The following NRXN3 variants were observed in gnomAD, a reference collection of about 807,000 sequenced individuals.
NRXN3 encodes the protein neurexin III.
Under a neutral mutation model 137.6 loss-of-function variants are expected in NRXN3, and 32 were observed. The observed-to-expected ratio is 0.23, with a 90% CI of 0.18 to 0.31. The LOEUF (loss-of-function observed/expected upper bound fraction) is 0.31. NRXN3 is among the 10% of genes least tolerant of loss of function. NRXN3 has a pLI of 1.00. For missense variants in NRXN3, 1,574 were observed against 2,062.5 expected, an observed-to-expected ratio of 0.76 and a Z score of 4.59; for synonymous variants, 798 against 784.5, an observed-to-expected ratio of 1.02 and a Z score of -0.29.
intron 19 of NRXN3, among the ~76,000 whole-genome samples, chr14:79,781,521 T>A (rs528661030): frequency 6.6e-6 from 1 of 152,344 alleles, no homozygotes; most frequent in East Asian, 1.9e-4. Flanking sequence ...CGTATCATGT[T>A]CTATTTTCTT....
intron 15 of NRXN3, among the ~76,000 whole-genome samples, chr14:79,392,969 CAAAAAAAAAA>C (rs3036678): frequency 1.5e-4 from 9 of 60,696 alleles, no homozygotes; most frequent in Admixed American, 8.0e-4. Flanking sequence ...GGCTCCATCT[CAAAAAAAAAA>C]AAAAAAAAAA....
At chr14:79,858,447 A>G (rs1421618574) in intron 20 of NRXN3, among the ~76,000 whole-genome samples, 2 of 152,222 alleles carry the variant, frequency 1.3e-5, no homozygotes, top group Non-Finnish European at 2.9e-5. Context: ...CTTACCCAAC[A>G]GTTTGCCTTT....
intron 8 of NRXN3, among the ~76,000 whole-genome samples, chr14:78,741,201 A>G (rs147913323): frequency 6.6e-6 from 1 of 152,316 alleles, no homozygotes; most frequent in Non-Finnish European, 1.5e-5. Flanking sequence ...CCTCCAGAAA[A>G]TCCAGGAATC....
intron 15 of NRXN3, among the ~76,000 whole-genome samples, chr14:79,228,657 G>T (rs2153275013): frequency 6.6e-6 from 1 of 152,246 alleles, no homozygotes; most frequent in Admixed American, 6.5e-5. Context: ...GGGTATATTT[G>T]TGCCTTGGAT....
In NRXN3 at chr14:79,325,330, A is replaced by G. The variant is rs186912235; in HGVS notation, c.3263-141891A>G. Among the ~76,000 whole-genome samples the G allele has an allele frequency of 4.6e-5, 7 of 152,282 alleles. No individual in the cohort carries two copies. In the East Asian group the frequency reaches 1.2e-3, roughly 25 times the overall value. On this transcript the variant is annotated intron_variant, in intron 15 of 20. Coordinates refer to ENST00000335750, the MANE Select transcript of NRXN3 (RefSeq NM_001330195.2). ...AACATTGTGCCATGCTAGTATTGAC[A>G]AGGTGACAGAGAGCCCACACTTGCC...
At chr14:79,409,513 A>G (rs2095375333) in intron 15 of NRXN3, among the ~76,000 whole-genome samples, 1 of 149,970 alleles carries the variant, frequency 6.7e-6, no homozygotes, top group Non-Finnish European at 1.5e-5. Flanking sequence ...ATATATTCAC[A>G]TATATATACA....
chr14:79,544,909 C>G (rs1198949542), intron 16 of NRXN3, among the ~76,000 whole-genome samples: 1 of 152,182 alleles, frequency 6.6e-6, no homozygotes, highest in African/African-American at 2.4e-5. Context: ...TACTAAGAAT[C>G]ACTGTTATCC....
intron 10 of NRXN3, among the ~76,000 whole-genome samples, chr14:78,889,491 T>C (rs1275374151): frequency 6.6e-6 from 1 of 152,054 alleles, no homozygotes; most frequent in African/African-American, 2.4e-5. Context: ...GCTCCTTTCA[T>C]GATTTTGGGA....
chr14:79,753,577 G>T (rs1216014354), intron 19 of NRXN3, among the ~76,000 whole-genome samples: 3 of 98,684 alleles, frequency 3.0e-5, no homozygotes, highest in Middle Eastern at 7.4e-3. Context: ...TTGTGGGGTG[G>T]GGGGAGGGGG....
At chr14:79,430,674 T>C (rs886208318) in intron 15 of NRXN3, among the ~76,000 whole-genome samples, 5 of 152,218 alleles carry the variant, frequency 3.3e-5, no homozygotes, top group African/African-American at 1.2e-4. Context: ...GAGAATTTTC[T>C]GCTCACTGCA....
intron 10 of NRXN3, among the ~76,000 whole-genome samples, chr14:78,911,922 G>GTTT (rs5809909): frequency 1.3e-5 from 2 of 149,118 alleles, no homozygotes; most frequent in East Asian, 4.0e-4. Context: ...TTATGTACAG[G>GTTT]TTTTTTTTTT....
Position 79,112,107 on chromosome 14 carries a change from ATATGC to A in NRXN3, c.3262+123968_3262+123972del. 1.3e-5 allele frequency among the ~76,000 whole-genome samples: 2 copies of A among 152,326 alleles called. 1 individual carries two copies. Among genetic ancestry groups the A allele is most frequent in the Middle Eastern group, 6.8e-3 (2 of 294 alleles). On this transcript the variant is annotated intron_variant, in intron 15 of 20. Transcript: ENST00000335750. ...TATTCTATCATTTTATTTTTAAAAA[ATATGC>A]TGAGTACATAAACATGACTAAAATA... is the stretch of plus-strand genomic sequence containing the variant.
intron 20 of NRXN3, among the ~76,000 whole-genome samples, chr14:79,839,978 T>A (rs1251998399): frequency 1.4e-5 from 2 of 146,582 alleles, no homozygotes; most frequent in Admixed American, 1.3e-4. Context: ...CATGTATGTA[T>A]GTATGTATGT....
intron 16 of NRXN3, among the ~76,000 whole-genome samples, chr14:79,657,189 T>A (rs936472403): frequency 2.0e-5 from 3 of 152,212 alleles, no homozygotes; most frequent in South Asian, 2.1e-4. Context: ...TTATCGTTTT[T>A]CTAGACAAAG....
chr14:78,233,937 A>G (rs1596215021), intron 1 of NRXN3, among the ~76,000 whole-genome samples: 2 of 152,154 alleles, frequency 1.3e-5, no homozygotes, highest in East Asian at 3.9e-4. Context: ...CTCATCTTGA[A>G]TTGTAGCTCC....
chr14:78,424,772 G>A (rs1370650049), intron 4 of NRXN3, among the ~76,000 whole-genome samples: 1 of 152,182 alleles, frequency 6.6e-6, no homozygotes, highest in Non-Finnish European at 1.5e-5. Context: ...CACGGTCCCA[G>A]TCCTTCCAAC....
At chr14:79,210,070 A>G (rs550701864) in intron 15 of NRXN3, among the ~76,000 whole-genome samples, 2 of 152,194 alleles carry the variant, frequency 1.3e-5, no homozygotes, top group African/African-American at 4.8e-5. Context: ...ACAGTTACAG[A>G]TAAGTTTGGT....
At chr14:78,488,824 A>G (rs1247434210) in intron 4 of NRXN3, among the ~76,000 whole-genome samples, 6 of 147,242 alleles carry the variant, frequency 4.1e-5, no homozygotes, top group Non-Finnish European at 7.5e-5. Flanking sequence ...AGGAGAGGAG[A>G]AGAAATGAAG....
chr14:78,564,658 C>T (rs1232664999), intron 4 of NRXN3, among the ~76,000 whole-genome samples: 1 of 152,142 alleles, frequency 6.6e-6, no homozygotes, highest in Admixed American at 6.5e-5. Context: ...GTCCTTCGAT[C>T]TGGTCTGCAT....
Sources: gnomAD v4.1 joint callset for allele counts (sites outside exome capture counted in the v4.1 genomes callset) on GRCh38, gnomAD v4.1.1 for gene constraint, MANE v1.5 for transcripts, NCBI Gene and HGNC (gene_info 2026-07-23, HGNC 2026-07-21) for gene names.